Variants in PDGFRL observed in about 807,000 individuals in gnomAD.
PDGFRL encodes platelet-derived growth factor receptor-like protein.
PDGFRL carries 46 observed loss-of-function variants against 37.2 expected under a neutral mutation model. That is an observed-to-expected ratio of 1.24 (90% CI 0.98 to 1.58). The LOEUF is 1.58. Ranked by LOEUF, PDGFRL falls within the 40% of genes most tolerant of loss-of-function variation. The pLI is 0.00. For synonymous variants in PDGFRL, 251 were observed against 184.3 expected, an observed-to-expected ratio of 1.36 and a Z score of -2.93; for missense variants, 692 against 467.6, an observed-to-expected ratio of 1.48 and a Z score of -4.43.
intron 2 of PDGFRL, among the ~76,000 whole-genome samples, chr8:17,595,804 A>G (rs893689728): frequency 6.6e-5 from 10 of 152,284 alleles, no homozygotes; most frequent in African/African-American, 2.4e-4. Flanking sequence ...CAGTGAGTTT[A>G]GGTCAACAGG....
Position 17,604,219 on chromosome 8 carries a change from G to T in PDGFRL, c.353+14454G>T, listed in dbSNP as rs570230710. 4.2e-4 allele frequency among the ~76,000 whole-genome samples: 64 copies of T among 152,252 alleles called. 2 individuals carry two copies. The highest frequency in any genetic ancestry group is 2.4e-3 in the Admixed American group (37 of 15,288). ...AGAACTAGAAATACCATTTGACCCA[G>T]CCATCCCATTACTGGGTATATACCC... On this transcript the variant is annotated intron_variant, in intron 2 of 5. Transcript: ENST00000251630.
chr8:17,627,989 CTTTTTTT>C (rs35707610), intron 3 of PDGFRL, among the ~76,000 whole-genome samples: 5 of 89,212 alleles, frequency 5.6e-5, no homozygotes, highest in Admixed American at 1.4e-4. Flanking sequence ...TTCTTTCTTT[CTTTTTTT>C]TTTTTTTTTT....
At chr8:17,618,024 G>T (rs1804562710) in intron 2 of PDGFRL, among the ~76,000 whole-genome samples, 1 of 151,290 alleles carries the variant, frequency 6.6e-6, no homozygotes, top group Non-Finnish European at 1.5e-5. Flanking sequence ...CTGAAATCTA[G>T]CTTCATCCTT....
chr8:17,639,958 G>A (rs1755872397), intron 5 of PDGFRL, among the ~76,000 whole-genome samples: 1 of 152,106 alleles, frequency 6.6e-6, no homozygotes, highest in Admixed American at 6.6e-5. Context: ...ACATCTTGGA[G>A]GCTTTGTTCA....
intron 5 of PDGFRL, among the ~76,000 whole-genome samples, chr8:17,640,028 T>A (rs1251855224): frequency 6.6e-6 from 1 of 152,228 alleles, no homozygotes; most frequent in Non-Finnish European, 1.5e-5. Context: ...AAATCTGATG[T>A]TCGAGTTCTG....
chr8:17,597,356 T>G (rs1316354290), intron 2 of PDGFRL, among the ~76,000 whole-genome samples: 1 of 152,268 alleles, frequency 6.6e-6, no homozygotes, highest in African/African-American at 2.4e-5. Flanking sequence ...GTTGGCTTTC[T>G]GGAAGCACGA....
chr8:17,616,735 G>A lies in PDGFRL; in HGVS notation c.354-4316G>A, dbSNP rs776260665. On this transcript the variant is annotated intron_variant, in intron 2 of 5. Transcript: ENST00000251630. ...CATGGCATGTTGTGTAGGAGAACTC[G>A]GGAGCAGGGACTTCTCTAGACATCA... Among the ~76,000 whole-genome samples the A allele has an allele frequency of 6.6e-4, 100 of 152,022 alleles. 1 individual carries two copies. The highest frequency in any genetic ancestry group is 9.4e-4 in the Non-Finnish European group (64 of 68,006).
chr8:17,576,704 G>C (rs986915505), upstream of PDGFRL: 6 of 985,620 alleles, frequency 6.1e-6, no homozygotes, highest in African/African-American at 1.0e-4. Context: ...TGGGTGCGGA[G>C]ACCAACTCTG....
intron 5 of PDGFRL, among the ~76,000 whole-genome samples, chr8:17,635,913 G>A (rs1273983918): frequency 1.3e-5 from 2 of 152,044 alleles, no homozygotes; most frequent in East Asian, 3.9e-4. Flanking sequence ...TTGGACTTTG[G>A]TATGTCTTTT....
chr8:17,598,171 T>C (rs1804092850), intron 2 of PDGFRL, among the ~76,000 whole-genome samples: 1 of 152,252 alleles, frequency 6.6e-6, no homozygotes, highest in South Asian at 2.1e-4. Flanking sequence ...ACAAAGAATG[T>C]TGTGGAACAG....
intron 2 of PDGFRL, among the ~76,000 whole-genome samples, chr8:17,613,220 G>T (rs970967753): frequency 4.6e-5 from 7 of 152,180 alleles, no homozygotes; most frequent in Admixed American, 3.3e-4. Context: ...CAGGTGGTTG[G>T]AGGGGATTTT....
At chr8:17,577,212 A>C (rs567725751), upstream of PDGFRL, 75 of 1,594,920 alleles carry the variant, frequency 4.7e-5, 1 homozygote, top group South Asian at 7.7e-4. Flanking sequence ...CGCCCCGCGC[A>C]GCCGCCGCGC....
chr8:17,627,781 G>T (rs1038646160), intron 3 of PDGFRL, among the ~76,000 whole-genome samples: 3 of 151,202 alleles, frequency 2.0e-5, no homozygotes, highest in African/African-American at 7.3e-5. Flanking sequence ...TGGCCAGATT[G>T]CAAATATATT....
chr8:17,633,682 C>T (rs1320311759), intron 4 of PDGFRL, among the ~76,000 whole-genome samples: 2 of 152,300 alleles, frequency 1.3e-5, no homozygotes, highest in Non-Finnish European at 2.9e-5. Flanking sequence ...TGCGGATGGT[C>T]AGCCACACAC....
At chr8:17,594,155 A>G (rs564301409) in intron 2 of PDGFRL, among the ~76,000 whole-genome samples, 1 of 151,934 alleles carries the variant, frequency 6.6e-6, no homozygotes, top group African/African-American at 2.4e-5. Flanking sequence ...TTCCCACAGC[A>G]TGATGTCCTC....
At chr8:17,589,819 A>G (rs1011535088) in intron 2 of PDGFRL, 54 bp downstream of exon 2, 11 of 1,041,526 alleles carry the variant, frequency 1.1e-5, no homozygotes, top group Non-Finnish European at 1.4e-5. Context: ...ATAGTTAACA[A>G]AATTCCTTCT....
At position 17,621,078 on chromosome 8, in the gene PDGFRL, G is replaced by C. The variant is rs780135445; in HGVS notation, c.381G>C (p.Gln127His). 1 of 1,610,000 alleles carries C rather than the reference G, an allele frequency of 6.2e-7. No homozygotes were observed. Among genetic ancestry groups the C allele is most frequent in the Non-Finnish European group, 8.5e-7 (1 of 1,177,338 alleles). The change falls in exon 3 of 6, where the codon CAG (glutamine) becomes CAC (histidine). Residue 127 changes from glutamine (Q) to histidine (H), a missense_variant. By Grantham distance (24) the Gln-to-His change is conservative. Transcript: ENST00000251630. ...LSVKQNERYG[Q>H]LTLVNSTSAD... Reference sequence around the variant, plus strand: ...TCAAGCAGAATGAGCGCTACGGCCAGTTGACTCTGGTCAACTCCACCTCGG... The same window carrying C: ...TCAAGCAGAATGAGCGCTACGGCCACTTGACTCTGGTCAACTCCACCTCGG...
At chr8:17,619,251 GCT>G (rs780406283) in intron 2 of PDGFRL, among the ~76,000 whole-genome samples, 1 of 152,168 alleles carries the variant, frequency 6.6e-6, no homozygotes, top group Non-Finnish European at 1.5e-5. Flanking sequence ...ATGTGCTGAG[GCT>G]CTCAGCCTCA....
At chr8:17,586,322 A>C (rs1803815799) in intron 1 of PDGFRL, among the ~76,000 whole-genome samples, 1 of 152,182 alleles carries the variant, frequency 6.6e-6, no homozygotes, top group African/African-American at 2.4e-5. Context: ...AAGCACCTCC[A>C]GCTCTTCCAG....
Sources: gnomAD v4.1 joint callset for allele counts (sites outside exome capture counted in the v4.1 genomes callset) on GRCh38, gnomAD v4.1.1 for gene constraint, MANE v1.5 for transcripts, NCBI Gene and HGNC (gene_info 2026-07-23, HGNC 2026-07-21) for gene names.